The following EYA1 variants were observed in gnomAD, a reference collection of about 807,000 sequenced individuals.
The protein encoded by EYA1 is protein phosphatase EYA1.
In EYA1, 16 loss-of-function variants were observed where a neutral mutation model predicts 82.0. That is an observed-to-expected ratio of 0.20 (90% CI 0.13 to 0.30). EYA1 has a LOEUF of 0.30. Ranked by LOEUF, EYA1 falls within the 10% of genes least tolerant of loss-of-function variation. The probability of loss-of-function intolerance (pLI) is 1.00; values close to 1 mark genes in which losing one functional copy is unlikely to be tolerated. For synonymous variants in EYA1, 261 were observed against 264.4 expected (o/e 0.99, Z 0.12); for missense variants, 633 against 730.7 (o/e 0.87, Z 1.54).
Position 71,299,194 on chromosome 8 carries a change from C to T in EYA1, c.679G>A (p.Ala227Thr), listed in dbSNP as rs202168841. The change falls in exon 9 of 18, where the codon GCA becomes ACA. Residue 227 changes from alanine (A) to threonine (T), a missense_variant. By Grantham distance (58) the Ala-to-Thr change is moderately conservative (BLOSUM62 0). Coordinates refer to ENST00000340726, the MANE Select transcript of EYA1 (RefSeq NM_000503.6). ...TACGGTGAGCTGTTATAATACTGTG[C>T]GTACTGACCCTGGCCAAAACTGGGA... Reference protein sequence around the residue: ...SYPSFGQGQYAQYYNSSPYPA... With the variant: ...SYPSFGQGQYTQYYNSSPYPA... 42 of 1,614,052 alleles carry T rather than the reference C, an allele frequency of 2.6e-5. No homozygotes were observed. In the African/African-American group the frequency reaches 2.9e-4, roughly 11 times the overall value.
chr8:71,205,347 T>A (rs1807625075), intron 17 of EYA1, among the ~76,000 whole-genome samples: 1 of 152,068 alleles, frequency 6.6e-6, no homozygotes, highest in African/African-American at 2.4e-5. Flanking sequence ...TTTTTTTTTT[T>A]AAACAATCAT....
intron 2 of EYA1, among the ~76,000 whole-genome samples, chr8:71,510,332 T>C (rs1352063226): frequency 2.0e-5 from 3 of 152,184 alleles, no homozygotes; most frequent in African/African-American, 7.2e-5. Flanking sequence ...CAGCAGTTGC[T>C]TGAGCATGAG....
intron 2 of EYA1, among the ~76,000 whole-genome samples, chr8:71,402,186 C>T (rs938972379): frequency 2.0e-5 from 3 of 152,174 alleles, no homozygotes; most frequent in African/African-American, 4.8e-5. Context: ...ACTTTCTGTG[C>T]TCCTGCAAGG....
intron 6 of EYA1, among the ~76,000 whole-genome samples, chr8:71,319,668 A>G (rs1309650249): frequency 6.6e-6 from 1 of 152,212 alleles, no homozygotes; most frequent in African/African-American, 2.4e-5. Context: ...ATAAAAAGAT[A>G]CACCAACCTT....
chr8:71,280,544 G>A (rs982632950), intron 9 of EYA1, among the ~76,000 whole-genome samples: 3 of 152,166 alleles, frequency 2.0e-5, no homozygotes, highest in Non-Finnish European at 4.4e-5. Flanking sequence ...TCAGATATCC[G>A]CAGAGTGAAT....
intron 2 of EYA1, among the ~76,000 whole-genome samples, chr8:71,498,814 G>C (rs373016142): frequency 2.0e-5 from 3 of 152,274 alleles, no homozygotes; most frequent in African/African-American, 7.2e-5. Context: ...CTATACTGGA[G>C]TCACAAGCAG....
At chr8:71,336,652 G>A (rs141713298) in intron 3 of EYA1, among the ~76,000 whole-genome samples, 1,935 of 152,220 alleles carry the variant, frequency 0.013, 37 homozygotes, top group African/African-American at 0.043. Flanking sequence ...AGGCAAAAAG[G>A]TTAGAAAGGA....
chr8:71,462,216 G>C (rs1300422496), intron 2 of EYA1, among the ~76,000 whole-genome samples: 2 of 152,158 alleles, frequency 1.3e-5, no homozygotes, highest in African/African-American at 4.8e-5. Context: ...GTACCTGCAG[G>C]CCAGTATTTG....
At position 71,469,369 on chromosome 8, in the gene EYA1, A is replaced by G. The variant is rs551999958; in HGVS notation, c.33+66375T>C. Among the ~76,000 whole-genome samples, 5 of 152,042 alleles carry G rather than the reference A, an allele frequency of 3.3e-5. No homozygotes were observed. In the East Asian group the frequency reaches 9.7e-4, roughly 29 times the overall value. ...TTACCTAACTATGTGATTTGGAGAT[A>G]TACAACTTCTTTATACTTCAGCTTC... On this transcript the variant is annotated intron_variant, in intron 2 of 18. Transcript: ENST00000643681.
At chr8:71,498,972 A>G (rs1489506112) in intron 2 of EYA1, among the ~76,000 whole-genome samples, 1 of 152,162 alleles carries the variant, frequency 6.6e-6, no homozygotes, top group Admixed American at 6.5e-5. Context: ...TGCTTGTTCA[A>G]ATTTAATTTA....
At chr8:71,457,072 C>T (rs1279055362) in intron 2 of EYA1, among the ~76,000 whole-genome samples, 3 of 152,132 alleles carry the variant, frequency 2.0e-5, no homozygotes, top group Non-Finnish European at 4.4e-5. Context: ...AAGAAAAAAA[C>T]AAACAACCCC....
At chr8:71,351,802 A>G (rs977471811) in intron 3 of EYA1, among the ~76,000 whole-genome samples, 1 of 152,196 alleles carries the variant, frequency 6.6e-6, no homozygotes, top group Non-Finnish European at 1.5e-5. Flanking sequence ...AGATGAAGTT[A>G]TGGTTTTTGA....
At position 71,211,222 on chromosome 8, in the gene EYA1, C is replaced by A; in HGVS notation, c.1632G>T (p.Arg544Ser). ...CAACATACACCACTTTTCTTCCAAA[C>A]CTTTGAATTATTCTCTCAAAACAGC... The part of the protein sequence containing the change: ...KESCFERIIQ[R>S]FGRKVVYVVI... The change falls in exon 17 of 18, where the codon AGG (arginine) becomes AGT (serine). Residue 544 changes from arginine to serine, a missense_variant. Transcript: ENST00000340726. The A allele has an allele frequency of 6.2e-7, 1 of 1,613,294 alleles. No individual in the cohort carries two copies. The highest frequency in any genetic ancestry group is 8.5e-7 in the Non-Finnish European group (1 of 1,179,384).
intron 2 of EYA1, among the ~76,000 whole-genome samples, chr8:71,453,394 C>T (rs1807565265): frequency 6.6e-6 from 1 of 152,142 alleles, no homozygotes; most frequent in Non-Finnish European, 1.5e-5. Flanking sequence ...GGCAGGCCAA[C>T]ATTCAAATTC....
intron 3 of EYA1, among the ~76,000 whole-genome samples, chr8:71,334,591 T>C (rs1824272197): frequency 6.6e-6 from 1 of 152,060 alleles, no homozygotes; most frequent in African/African-American, 2.4e-5. Context: ...TAAGTGGGTG[T>C]CGACACCAGC....
chr8:71,302,961 G>A (rs2129004946), intron 7 of EYA1, among the ~76,000 whole-genome samples: 1 of 142,160 alleles, frequency 7.0e-6, no homozygotes, highest in South Asian at 2.3e-4. Context: ...GCCTTAGCTG[G>A]TCTAAACCCA....
At chr8:71,336,869 T>C (rs1337945450) in intron 3 of EYA1, among the ~76,000 whole-genome samples, 2 of 152,224 alleles carry the variant, frequency 1.3e-5, no homozygotes, top group African/African-American at 2.4e-5. Flanking sequence ...TTGAATACTT[T>C]GATCACCAGG....
intron 2 of EYA1, among the ~76,000 whole-genome samples, chr8:71,448,118 C>A (rs777772356): frequency 2.0e-5 from 3 of 150,558 alleles, no homozygotes; most frequent in Non-Finnish European, 4.4e-5. Flanking sequence ...CCGCCTCAGC[C>A]TCCCTAGCAG....
At chr8:71,454,588 TCAAA>T (rs1474813967) in intron 2 of EYA1, among the ~76,000 whole-genome samples, 1 of 152,094 alleles carries the variant, frequency 6.6e-6, no homozygotes, top group Non-Finnish European at 1.5e-5. Flanking sequence ...CACAGTGCAA[TCAAA>T]CTAGAACTCA....
Sources: allele counts gnomAD v4.1 joint callset (sites outside exome capture counted in the v4.1 genomes callset), GRCh38; gene constraint gnomAD v4.1.1; transcripts MANE v1.5; gene names NCBI Gene and HGNC (gene_info 2026-07-23, HGNC 2026-07-21).